ITPR1: variants seen among roughly 807,000 people sequenced by gnomAD.
The protein encoded by ITPR1 is inositol 1,4,5-trisphosphate receptor type 1.
Under a neutral mutation model 318.4 loss-of-function variants are expected in ITPR1, and 96 were observed. The observed-to-expected ratio is 0.30, with a 90% CI of 0.26 to 0.36. ITPR1 has a LOEUF of 0.36. Among genes scored for constraint, ITPR1 ranks in the 10% least tolerant of loss-of-function variants. The pLI, the probability that ITPR1 is intolerant of heterozygous loss-of-function variation, is 1.00. For missense variants in ITPR1, 2,440 were observed against 3,460.2 expected, an observed-to-expected ratio of 0.71 and a Z score of 7.40; for synonymous variants, 1,312 against 1,289.9, an observed-to-expected ratio of 1.02 and a Z score of -0.37.
chr3:4,845,942 A>G (rs183198085), intron 61 of ITPR1, among the ~76,000 whole-genome samples, 197 bp from the exon 62 acceptor site: 1 of 152,374 alleles, frequency 6.6e-6, no homozygotes, highest in Admixed American at 6.5e-5. Context: ...TTGCATGACT[A>G]GGTCACAGAA....
chr3:4,510,980 G>T (rs1012984016), intron 2 of ITPR1, among the ~76,000 whole-genome samples: 3 of 152,148 alleles, frequency 2.0e-5, no homozygotes, highest in African/African-American at 7.2e-5. Context: ...GGCTTTGCTG[G>T]TGGTCACTGA....
intron 51 of ITPR1, among the ~76,000 whole-genome samples, chr3:4,785,992 T>A (rs2047172286): frequency 6.6e-6 from 1 of 152,176 alleles, no homozygotes; most frequent in Non-Finnish European, 1.5e-5. Flanking sequence ...CCAAGGGCTT[T>A]CCATGCAGAC....
chr3:4,670,229 C>T (rs111426306), intron 19 of ITPR1, among the ~76,000 whole-genome samples: 1,794 of 152,240 alleles, frequency 0.012, 36 homozygotes, highest in African/African-American at 0.042. Flanking sequence ...GAGCAGTTTT[C>T]CTGAGAAGTA....
intron 4 of ITPR1, among the ~76,000 whole-genome samples, chr3:4,527,719 T>A (rs1427891804): frequency 6.6e-6 from 1 of 151,822 alleles, no homozygotes; most frequent in African/African-American, 2.4e-5. Context: ...TGGAGAAGAG[T>A]ATGTTGCTTG....
intron 4 of ITPR1, among the ~76,000 whole-genome samples, chr3:4,552,483 C>T (rs1287164987): frequency 6.6e-6 from 1 of 152,164 alleles, no homozygotes; most frequent in Non-Finnish European, 1.5e-5. Context: ...ATACAGATAA[C>T]CAGAGGAGGA....
chr3:4,522,775 G>A (rs1407217123), intron 4 of ITPR1, among the ~76,000 whole-genome samples: 1 of 152,238 alleles, frequency 6.6e-6, no homozygotes, highest in African/African-American at 2.4e-5. Context: ...GCCAGGCCCT[G>A]TGCTAAGCAC....
intron 4 of ITPR1, among the ~76,000 whole-genome samples, chr3:4,622,961 A>C (rs2092696892): frequency 6.6e-6 from 1 of 152,240 alleles, no homozygotes; most frequent in Admixed American, 6.5e-5. Flanking sequence ...AAGTTCTAGC[A>C]GTGGGGAGGA....
chr3:4,775,070 A>G (rs1019145255), intron 46 of ITPR1, among the ~76,000 whole-genome samples, 172 bp from the exon 47 acceptor site: 3 of 152,198 alleles, frequency 2.0e-5, no homozygotes, highest in Non-Finnish European at 2.9e-5. Context: ...CACCAAGTCC[A>G]TGGGTTTATC....
At chr3:4,636,306 A>C (rs1385255339) in intron 5 of ITPR1, among the ~76,000 whole-genome samples, 1 of 152,214 alleles carries the variant, frequency 6.6e-6, no homozygotes, top group Non-Finnish European at 1.5e-5. Context: ...AGCTTAATAC[A>C]TTTAGTGCTA....
At chr3:4,767,086 C>CTT (rs1275799076) in intron 45 of ITPR1, among the ~76,000 whole-genome samples, 1 of 152,232 alleles carries the variant, frequency 6.6e-6, no homozygotes, top group Non-Finnish European at 1.5e-5. Context: ...TATTGGAAAG[C>CTT]TTATAAAGCT....
chr3:4,645,788 T>TCA, intron 10 of ITPR1, 60 bp downstream of exon 10: 1 of 1,415,238 alleles, frequency 7.1e-7, no homozygotes, highest in Non-Finnish European at 9.8e-7. Context: ...GTATATAGGC[T>TCA]CTCTCTCTCT....
chr3:4,670,016 G>T (rs191603873), intron 19 of ITPR1, among the ~76,000 whole-genome samples: 2 of 152,160 alleles, frequency 1.3e-5, no homozygotes, highest in Non-Finnish European at 2.9e-5. Flanking sequence ...TAAACTCACC[G>T]GGGAGCATTT....
At position 4,770,876 on chromosome 3, in the gene ITPR1, T is replaced by A. The variant is rs140484409; in HGVS notation, c.5979+2112T>A. Among the ~76,000 whole-genome samples the A allele has an allele frequency of 3.8e-3, 583 of 152,248 alleles. 7 individuals are homozygous for A. Among genetic ancestry groups the A allele is most frequent in the African/African-American group, 0.013 (558 of 41,548 alleles). The stretch of plus-strand genomic sequence containing the variant: ...ACTGTTTCCCTGACATTGTCCACCC[T>A]CCACCTTCCATAACCCTACCACTAG... On this transcript the variant is annotated intron_variant, in intron 46 of 61. Coordinates refer to ENST00000649015, the MANE Select transcript of ITPR1 (RefSeq NM_001378452.1).
intron 2 of ITPR1, among the ~76,000 whole-genome samples, chr3:4,507,787 G>A (rs1016726518): frequency 6.6e-6 from 1 of 152,118 alleles, no homozygotes; most frequent in Non-Finnish European, 1.5e-5. Context: ...ATGAAGTTGT[G>A]TCCTACAATA....
At chr3:4,643,929 A>G (rs1484639607) in intron 7 of ITPR1, among the ~76,000 whole-genome samples, 1 of 152,096 alleles carries the variant, frequency 6.6e-6, no homozygotes, top group Non-Finnish European at 1.5e-5. Context: ...TCGAGGAACA[A>G]CATTCAGGCT....
At chr3:4,763,247 A>G (rs951099008) in intron 44 of ITPR1, among the ~76,000 whole-genome samples, 3 of 152,226 alleles carry the variant, frequency 2.0e-5, no homozygotes. Flanking sequence ...GAGCTAATGC[A>G]TGCTGGGCTT....
intron 46 of ITPR1, 133 bp downstream of exon 46, chr3:4,768,897 C>G: frequency 1.2e-6 from 1 of 844,752 alleles, no homozygotes; most frequent in East Asian, 2.7e-5. Context: ...TCTTTTTTTT[C>G]CTTTTTCTTT....
At chr3:4,594,791 C>T (rs2125072282) in intron 4 of ITPR1, among the ~76,000 whole-genome samples, 1 of 152,112 alleles carries the variant, frequency 6.6e-6, no homozygotes. Context: ...TAATCTGGGC[C>T]CGTTGTCATC....
chr3:4,649,946 C>G (rs2093555955), intron 10 of ITPR1, among the ~76,000 whole-genome samples: 1 of 152,162 alleles, frequency 6.6e-6, no homozygotes, highest in Non-Finnish European at 1.5e-5. Flanking sequence ...TCTCCTAATA[C>G]TATAACCTTA....
Sources: allele counts gnomAD v4.1 joint callset (sites outside exome capture counted in the v4.1 genomes callset), GRCh38; gene constraint gnomAD v4.1.1; transcripts MANE v1.5; gene names NCBI Gene and HGNC (gene_info 2026-07-23, HGNC 2026-07-21).